The following C8orf34 variants were observed in gnomAD, a reference collection of about 807,000 sequenced individuals.
The protein encoded by C8orf34 is uncharacterized protein C8orf34.
In C8orf34, 65 loss-of-function variants were observed where a neutral mutation model predicts 68.3. The observed-to-expected ratio is 0.95, with a 90% CI of 0.78 to 1.17. C8orf34 has a LOEUF of 1.17. Ranked by LOEUF, C8orf34 falls within the 50% of genes most tolerant of loss-of-function variation. C8orf34 has a pLI of 0.00. For synonymous variants in C8orf34, 244 were observed against 241.2 expected, an observed-to-expected ratio of 1.01 and a Z score of -0.11; for missense variants, 664 against 655.4, an observed-to-expected ratio of 1.01 and a Z score of -0.14.
At chr8:68,504,095 C>T (rs1489104449) in intron 5 of C8orf34, among the ~76,000 whole-genome samples, 2 of 152,180 alleles carry the variant, frequency 1.3e-5, no homozygotes, top group Non-Finnish European at 2.9e-5. Flanking sequence ...CCCAGTCCCT[C>T]CAACTCCTCA....
At chr8:68,749,486 A>T (rs1822632618) in intron 10 of C8orf34, among the ~76,000 whole-genome samples, 1 of 152,188 alleles carries the variant, frequency 6.6e-6, no homozygotes, top group Non-Finnish European at 1.5e-5. Flanking sequence ...ACCCATTTTA[A>T]GTATATAATA....
At chr8:68,450,814 T>G (rs906480218) in intron 3 of C8orf34, among the ~76,000 whole-genome samples, 1 of 152,016 alleles carries the variant, frequency 6.6e-6, no homozygotes, top group African/African-American at 2.4e-5. Flanking sequence ...TCCCCAGGAT[T>G]TTTGGAATGG....
At chr8:68,377,693 T>A (rs923507147) in intron 1 of C8orf34, among the ~76,000 whole-genome samples, 3 of 152,116 alleles carry the variant, frequency 2.0e-5, no homozygotes, top group Non-Finnish European at 4.4e-5. Context: ...GGTTTGGCAA[T>A]CTCATTTTTT....
chr8:68,525,681 G>A (rs905409728), intron 6 of C8orf34: 4 of 666,270 alleles, frequency 6.0e-6, no homozygotes, highest in East Asian at 2.9e-5. Flanking sequence ...TGAAACCTGG[G>A]GCTGATCACT....
At chr8:68,514,260 C>T (rs534375589) in intron 5 of C8orf34, among the ~76,000 whole-genome samples, 1 of 152,230 alleles carries the variant, frequency 6.6e-6, no homozygotes, top group East Asian at 1.9e-4. Flanking sequence ...CAGGCTCCTC[C>T]CTGCTGCAAA....
At position 68,767,813 on chromosome 8, in the gene C8orf34, T is replaced by A. The variant is rs543573870; in HGVS notation, c.1405-8586T>A. 5.9e-5 allele frequency among the ~76,000 whole-genome samples: 9 copies of A among 152,364 alleles called. No homozygotes were observed. In the East Asian group the frequency reaches 1.7e-3, roughly 29 times the overall value. ...TGCCACCACACCTAGCTGGCGTGGCTATTTAATATCTGATTGTTTCTCATT... is the reference window on the plus strand; with the variant it reads ...TGCCACCACACCTAGCTGGCGTGGCAATTTAATATCTGATTGTTTCTCATT... On this transcript the variant is annotated intron_variant, in intron 10 of 13. Coordinates refer to ENST00000518698, the MANE Select transcript of C8orf34 (RefSeq NM_052958.4).
rs1438100843 is a variant in C8orf34 at position 68,538,178 on chromosome 8, A to G, written c.1105+5029A>G. Among the ~76,000 whole-genome samples, 4 of 152,292 alleles carry G rather than the reference A, an allele frequency of 2.6e-5. No homozygotes were observed. In the South Asian group the frequency reaches 6.2e-4, roughly 24 times the overall value. On this transcript the variant is annotated intron_variant, in intron 7 of 13. Transcript: ENST00000518698. The stretch of plus-strand genomic sequence containing the variant: ...GTTCCACGTTTTTTGACACATACCA[A>G]TAACATAGAATAATATATTTTTTCT...
At chr8:68,373,987 C>T (rs757324267) in intron 1 of C8orf34, among the ~76,000 whole-genome samples, 2 of 152,302 alleles carry the variant, frequency 1.3e-5, no homozygotes, top group Middle Eastern at 3.4e-3. Flanking sequence ...ATGATTATAG[C>T]TCACTGTAAC....
intron 10 of C8orf34, among the ~76,000 whole-genome samples, chr8:68,771,108 A>G (rs556632971): frequency 9.1e-4 from 139 of 152,366 alleles, no homozygotes; most frequent in African/African-American, 3.2e-3. Flanking sequence ...ACTAAACAGA[A>G]ATAGCATCTG....
At chr8:68,566,504 G>C (rs1267514561) in intron 7 of C8orf34, among the ~76,000 whole-genome samples, 2 of 152,202 alleles carry the variant, frequency 1.3e-5, no homozygotes, top group Non-Finnish European at 2.9e-5. Context: ...ATGAGCACTT[G>C]CTGCTTCACC....
chr8:68,744,559 A>G (rs1249238547), intron 10 of C8orf34, among the ~76,000 whole-genome samples: 1 of 151,998 alleles, frequency 6.6e-6, no homozygotes, highest in Non-Finnish European at 1.5e-5. Context: ...GGAGCTGAAA[A>G]CCAAGGCTCG....
chr8:68,706,617 T>C (rs1227517070), intron 8 of C8orf34, among the ~76,000 whole-genome samples: 1 of 152,200 alleles, frequency 6.6e-6, no homozygotes, highest in East Asian at 1.9e-4. Flanking sequence ...ATATCTGCCA[T>C]GAAACAATTC....
intron 10 of C8orf34, among the ~76,000 whole-genome samples, chr8:68,753,496 C>G (rs1332419387): frequency 1.3e-5 from 2 of 152,160 alleles, no homozygotes; most frequent in African/African-American, 2.4e-5. Flanking sequence ...GATAGGAGAG[C>G]TTTCCATAGA....
At chr8:68,711,260 T>A (rs765124194) in intron 9 of C8orf34, among the ~76,000 whole-genome samples, 2 of 152,034 alleles carry the variant, frequency 1.3e-5, no homozygotes, top group East Asian at 3.9e-4. Flanking sequence ...AAAATGAGGT[T>A]CTTTAACACC....
intron 1 of C8orf34, among the ~76,000 whole-genome samples, chr8:68,361,549 A>G (rs1164766953): frequency 6.6e-6 from 1 of 152,182 alleles, no homozygotes; most frequent in Non-Finnish European, 1.5e-5. Flanking sequence ...GGGAAAATTC[A>G]TGTTTTGCCT....
At chr8:68,677,702 C>T (rs1417440036) in intron 8 of C8orf34, among the ~76,000 whole-genome samples, 1 of 151,420 alleles carries the variant, frequency 6.6e-6, no homozygotes, top group African/African-American at 2.4e-5. Context: ...CAAACCAAAC[C>T]CAAAAATAGT....
chr8:68,338,114 A>G (rs1006447684), intron 1 of C8orf34, among the ~76,000 whole-genome samples: 1 of 152,186 alleles, frequency 6.6e-6, no homozygotes, highest in African/African-American at 2.4e-5. Flanking sequence ...GTCCAAGATC[A>G]TGGTGCTGGC....
At chr8:68,577,045 C>G (rs1441986083) in intron 7 of C8orf34, among the ~76,000 whole-genome samples, 1 of 151,886 alleles carries the variant, frequency 6.6e-6, no homozygotes, top group South Asian at 2.1e-4. Flanking sequence ...CCTAACTACT[C>G]CTCCTCAAAG....
chr8:68,746,605 C>T (rs1822504905), intron 10 of C8orf34, among the ~76,000 whole-genome samples: 2 of 147,606 alleles, frequency 1.4e-5, no homozygotes, highest in Admixed American at 1.4e-4. Context: ...ACTACAAACA[C>T]CTCTACGCAA....
Sources: allele counts gnomAD v4.1 joint callset (sites outside exome capture counted in the v4.1 genomes callset), GRCh38; gene constraint gnomAD v4.1.1; transcripts MANE v1.5; gene names NCBI Gene and HGNC (gene_info 2026-07-23, HGNC 2026-07-21).